Variants in TECTB observed in about 807,000 individuals in gnomAD.
TECTB encodes tectorin beta.
In TECTB, 45 loss-of-function variants were observed where a neutral mutation model predicts 43.3. The observed-to-expected ratio is 1.04, with a 90% CI of 0.82 to 1.33. The LOEUF (loss-of-function observed/expected upper bound fraction) is 1.33. Ranked by LOEUF, TECTB falls within the 40% of genes most tolerant of loss-of-function variation. TECTB has a pLI of 0.00. For synonymous variants in TECTB, 169 were observed against 156.7 expected (o/e 1.08, Z -0.59); for missense variants, 399 against 404.7 (o/e 0.99, Z 0.12).
chr10:112,284,144 A>G (rs1044438350), intron 2 of TECTB, among the ~76,000 whole-genome samples: 1 of 152,118 alleles, frequency 6.6e-6, no homozygotes, highest in Non-Finnish European at 1.5e-5. Context: ...TTGTGCCCTA[A>G]ATCAGTATTT....
chr10:112,289,803 G>GC (rs1848483018), intron 5 of TECTB, among the ~76,000 whole-genome samples: 3 of 152,110 alleles, frequency 2.0e-5, no homozygotes, highest in African/African-American at 7.2e-5. Flanking sequence ...GGTCAGAGGT[G>GC]ACCTTCTAGG....
rs1366558053 is a variant in TECTB at position 112,303,314 on chromosome 10, A to G, written c.*2A>G. 1 of 1,614,104 alleles carries G rather than the reference A, an allele frequency of 6.2e-7. No individual in the cohort carries two copies. The highest frequency in any genetic ancestry group is 1.3e-5 in the African/African-American group (1 of 75,014). On this transcript the variant is annotated 3_prime_UTR_variant, in exon 11 of 11. Transcript: ENST00000646139. ...TTGGGGATTTGTGCCGTGTTATAGG[A>G]GTTAGCCAGGCAGCTGCCGCTCCTC...
chr10:112,294,423 A>G (rs1419009970), intron 7 of TECTB, among the ~76,000 whole-genome samples: 1 of 152,140 alleles, frequency 6.6e-6, no homozygotes, highest in Non-Finnish European at 1.5e-5. Flanking sequence ...TATGTGTGCA[A>G]GAGGAAGTGT....
At chr10:112,283,548 G>C in intron 1 of TECTB, 52 bp downstream of exon 1, 1 of 590,774 alleles carries the variant, frequency 1.7e-6, no homozygotes, top group Non-Finnish European at 2.9e-6. Context: ...AATTAGAAAC[G>C]ACACAACATC....
At chr10:112,285,741 A>T (rs1238975075) in intron 3 of TECTB, among the ~76,000 whole-genome samples, 1 of 152,222 alleles carries the variant, frequency 6.6e-6, no homozygotes, top group Non-Finnish European at 1.5e-5. Context: ...ATATTTGGAC[A>T]GGAGAAATGG....
intron 5 of TECTB, among the ~76,000 whole-genome samples, chr10:112,286,648 G>C (rs11195872): frequency 6.6e-6 from 1 of 152,160 alleles, no homozygotes; most frequent in Non-Finnish European, 1.5e-5. Context: ...GGCCAGGCGT[G>C]GTAGTTCACA....
Position 112,294,017 on chromosome 10 carries a change from G to T in TECTB, c.627G>T (p.Ser209=). The part of the protein sequence containing the change: ...VVLNSCWATP[S]ADFMYPLQWQ... ...TGAACAGCTGTTGGGCCACCCCCTC[G>T]GCTGACTTCATGTATCCCTTGCAGT... The change falls in exon 7 of 11, where the codon TCG becomes TCT. Residue 209 remains serine (S), a synonymous_variant. Coordinates refer to ENST00000646139, the MANE Select transcript of TECTB (RefSeq NM_058222.3). 1 of 1,614,092 alleles carries T rather than the reference G, an allele frequency of 6.2e-7. No homozygotes were observed. The highest frequency in any genetic ancestry group is 8.5e-7 in the Non-Finnish European group (1 of 1,180,010).
At chr10:112,287,930 A>G (rs1162591633) in intron 5 of TECTB, among the ~76,000 whole-genome samples, 1 of 152,242 alleles carries the variant, frequency 6.6e-6, no homozygotes, top group African/African-American at 2.4e-5. Flanking sequence ...CCCTAGCCAC[A>G]CACCACTAGT....
chr10:112,294,843 A>G (rs10509958), intron 7 of TECTB, among the ~76,000 whole-genome samples: 53,400 of 152,128 alleles, frequency 0.35, 9,557 homozygotes, highest in East Asian at 0.54. Context: ...GGAACTAATC[A>G]GATAGGAGGT....
chr10:112,292,628 G>A (rs1445857221), intron 5 of TECTB, among the ~76,000 whole-genome samples: 1 of 152,038 alleles, frequency 6.6e-6, no homozygotes, highest in Non-Finnish European at 1.5e-5. Flanking sequence ...ATTTTTAACA[G>A]GGACAGGGTT....
chr10:112,297,032 G>C (rs185267878), intron 7 of TECTB, among the ~76,000 whole-genome samples: 2 of 152,182 alleles, frequency 1.3e-5, no homozygotes, highest in African/African-American at 4.8e-5. Context: ...TCCCAAGAAT[G>C]GTTGCGTCTG....
At chr10:112,297,250 C>A (rs1469790171) in intron 7 of TECTB, among the ~76,000 whole-genome samples, 1 of 151,676 alleles carries the variant, frequency 6.6e-6, no homozygotes, top group East Asian at 1.9e-4. Flanking sequence ...AGCAGCACTT[C>A]CCCCAGCCTG....
At chr10:112,296,831 C>T (rs1280503093) in intron 7 of TECTB, among the ~76,000 whole-genome samples, 7 of 152,118 alleles carry the variant, frequency 4.6e-5, no homozygotes, top group East Asian at 3.9e-4. Context: ...CGCTCTCTGG[C>T]GTGTGTGCCG....
intron 5 of TECTB, among the ~76,000 whole-genome samples, chr10:112,287,181 C>T (rs1036811098): frequency 6.6e-6 from 1 of 152,198 alleles, no homozygotes; most frequent in African/African-American, 2.4e-5. Flanking sequence ...TCGGCCTCCA[C>T]TGCCTAATTC....
Position 112,284,715 on chromosome 10 carries a change from C to T in TECTB, c.257C>T (p.Thr86Ile). The T allele has an allele frequency of 1.9e-6, 3 of 1,595,806 alleles. No homozygotes were observed. The South Asian group carries it at 3.4e-5, about 18-fold the overall frequency. ...LSPKNKSYCG[T>I]QSEYKPPIYH... Reference sequence around the variant, plus strand: ...CCTAAAAACAAGTCCTATTGTGGAACCCAGTCTGAGGTAAGACCAGGCCAC... The same window carrying T: ...CCTAAAAACAAGTCCTATTGTGGAATCCAGTCTGAGGTAAGACCAGGCCAC... Residue 86 changes from threonine (T) to isoleucine (I), a missense_variant, in exon 3 of 11, where the codon ACC (threonine) becomes ATC (isoleucine). By Grantham distance (89) the Thr-to-Ile change is moderately conservative. Transcript: ENST00000646139.
intron 8 of TECTB, among the ~76,000 whole-genome samples, chr10:112,298,795 C>T (rs999318300): frequency 6.6e-6 from 1 of 152,196 alleles, no homozygotes; most frequent in Non-Finnish European, 1.5e-5. Flanking sequence ...AGCAGTCATG[C>T]CGGTGCTCAC....
At chr10:112,286,919 T>A (rs1361852937) in intron 5 of TECTB, among the ~76,000 whole-genome samples, 24 of 151,910 alleles carry the variant, frequency 1.6e-4, no homozygotes, top group Admixed American at 1.6e-3. Context: ...TGAAACTCCA[T>A]CTCAAAAAAC....
chr10:112,299,519 C>A lies in TECTB; in HGVS notation c.862C>A (p.Arg288=), dbSNP rs140087814. ...VTCDKRKRLL[R]DQTGGVLVVE... is the part of the protein sequence containing the mutation. ...CTGCGATAAACGGAAGCGCCTCCTG[C>A]GAGACCAGACCGGGGGAGTCCTGGT... The change falls in exon 9 of 11, where the codon CGA becomes AGA. Residue 288 remains arginine (R), a synonymous_variant. Coordinates refer to ENST00000646139, the MANE Select transcript of TECTB (RefSeq NM_058222.3). The A allele has an allele frequency of 1.2e-5, 20 of 1,614,088 alleles. No homozygotes were observed. In the African/African-American group the frequency reaches 1.7e-4, roughly 14 times the overall value.
At position 112,304,800 on chromosome 10, in the gene TECTB, G is replaced by A. The variant is rs1848639325; in HGVS notation, c.*1488G>A. ...TTGGTCTCTAAGCTGGAGTTCCAAC[G>A]AGTTTAGGATCTCTTCTTTCTGTAA... On this transcript the variant is annotated 3_prime_UTR_variant, in exon 11 of 11. Coordinates refer to ENST00000646139, the MANE Select transcript of TECTB (RefSeq NM_058222.3). The A allele has an allele frequency of 1.4e-5, 2 of 141,794 alleles. No individual in the cohort carries two copies. Among genetic ancestry groups the A allele is most frequent in the African/African-American group, 6.3e-5 (2 of 31,552 alleles). 8.8% of individuals were successfully genotyped at this position (141,794 alleles called of 1,614,324 possible). A position where few individuals can be genotyped will look rare whatever the true frequency, so the allele number is the denominator to read the frequency against.
Sources: allele counts gnomAD v4.1 joint callset (sites outside exome capture counted in the v4.1 genomes callset), GRCh38; gene constraint gnomAD v4.1.1; transcripts MANE v1.5; gene names NCBI Gene and HGNC (gene_info 2026-07-23, HGNC 2026-07-21).